ADK: variants seen among roughly 807,000 people sequenced by gnomAD.
ADK encodes the protein adenosine kinase.
ADK carries 24 observed loss-of-function variants against 44.7 expected under a neutral mutation model. The ratio of observed to expected loss-of-function variants is 0.54; its 90% CI spans 0.39 to 0.76. The LOEUF (loss-of-function observed/expected upper bound fraction) is 0.76, where lower values mean the gene tolerates loss of function less well. ADK is among the 30% of genes least tolerant of loss of function. ADK has a pLI of 0.00. For missense variants in ADK, 321 were observed against 425.1 expected (o/e 0.76, Z 2.15); for synonymous variants, 128 against 142.6 (o/e 0.90, Z 0.73).
intron 3 of ADK, among the ~76,000 whole-genome samples, chr10:74,298,781 C>T (rs1592006394): frequency 2.8e-5 from 4 of 143,492 alleles, no homozygotes; most frequent in African/African-American, 1.0e-4. Context: ...AAAAACAAAC[C>T]AGAATTGAGG....
At chr10:74,358,783 G>A (rs933371226) in intron 4 of ADK, among the ~76,000 whole-genome samples, 1 of 152,198 alleles carries the variant, frequency 6.6e-6, no homozygotes, top group Non-Finnish European at 1.5e-5. Context: ...CAGATGAATC[G>A]AACATAGTTA....
chr10:74,656,077 A>G, intron 9 of ADK: 1 of 428,500 alleles, frequency 2.3e-6, no homozygotes, highest in East Asian at 5.0e-5. Flanking sequence ...GGACATGTGA[A>G]GCACAAACTT....
intron 10 of ADK, 132 bp from the exon 11 acceptor site, chr10:74,708,189 G>A (rs1856674278): frequency 1.8e-5 from 14 of 757,786 alleles, no homozygotes; most frequent in East Asian, 3.6e-5. Flanking sequence ...TAACGGTAAC[G>A]CACAAGACTT....
At chr10:74,667,069 G>C (rs1222623812) in intron 9 of ADK, among the ~76,000 whole-genome samples, 1 of 151,970 alleles carries the variant, frequency 6.6e-6, no homozygotes, top group Non-Finnish European at 1.5e-5. Context: ...GACCTCAAGT[G>C]ATCCACCCGC....
chr10:74,636,315 A>G (rs758046866), intron 9 of ADK, among the ~76,000 whole-genome samples: 4 of 152,216 alleles, frequency 2.6e-5, no homozygotes, highest in Non-Finnish European at 5.9e-5. Context: ...GCTTGGCTAC[A>G]GAGCTGGGTC....
At chr10:74,450,470 A>G (rs545647766) in intron 6 of ADK, among the ~76,000 whole-genome samples, 1 of 152,356 alleles carries the variant, frequency 6.6e-6, no homozygotes, top group South Asian at 2.1e-4. Context: ...GCCTTGCATT[A>G]AAAAGATAAT....
chr10:74,635,748 C>T (rs900142373), intron 9 of ADK, among the ~76,000 whole-genome samples: 11 of 151,962 alleles, frequency 7.2e-5, no homozygotes, highest in African/African-American at 2.7e-4. Context: ...AGTCAGACTT[C>T]CAATTTGTAC....
chr10:74,590,565 C>G lies in ADK; in HGVS notation c.762+1248C>G, dbSNP rs193104246. ...CTGAAGATCCTATAAAAGAACTACT[C>G]CAGAGTAGGGAAACTTGCTTCTTTG... is the stretch of plus-strand genomic sequence containing the variant. On this transcript the variant is annotated intron_variant, in intron 8 of 10. Transcript: ENST00000539909. Among the ~76,000 whole-genome samples, 166 of 152,202 alleles carry G rather than the reference C, an allele frequency of 1.1e-3. 1 individual carries two copies. Among genetic ancestry groups the G allele is most frequent in the African/African-American group, 3.8e-3 (157 of 41,536 alleles).
chr10:74,371,916 A>G (rs1592115474), intron 4 of ADK: 1 of 1,444,682 alleles, frequency 6.9e-7, no homozygotes, highest in Non-Finnish European at 9.6e-7. Context: ...TACTGACCCC[A>G]GGGCTGACCA....
At chr10:74,165,655 C>T (rs1383412330) in intron 1 of ADK, among the ~76,000 whole-genome samples, 1 of 151,706 alleles carries the variant, frequency 6.6e-6, no homozygotes, top group Non-Finnish European at 1.5e-5. Flanking sequence ...ATCTCACGTT[C>T]AGGACCTCTG....
At chr10:74,587,000 T>C (rs1851552424) in intron 7 of ADK, among the ~76,000 whole-genome samples, 1 of 152,176 alleles carries the variant, frequency 6.6e-6, no homozygotes, top group Admixed American at 6.5e-5. Flanking sequence ...TTACTGTATG[T>C]GAATTTTGAG....
chr10:74,670,143 A>C (rs1429552303), intron 9 of ADK, 40 bp from the exon 10 acceptor site: 1 of 1,508,504 alleles, frequency 6.6e-7, no homozygotes, highest in South Asian at 1.1e-5. Flanking sequence ...TGAGTGTTAC[A>C]AAGAGAAGTC....
At chr10:74,201,374 A>G (rs1843374272) in intron 2 of ADK, among the ~76,000 whole-genome samples, 1 of 152,196 alleles carries the variant, frequency 6.6e-6, no homozygotes, top group African/African-American at 2.4e-5. Flanking sequence ...ATTTGAGGCC[A>G]TTTCGTACAA....
chr10:74,587,907 G>A lies in ADK; in HGVS notation c.727-1375G>A, dbSNP rs79917475. On this transcript the variant is annotated intron_variant, in intron 7 of 10. Transcript: ENST00000539909. ...TAGTAACCTGTTATAAGAGCCTTAGGGTATATAATAATCATTAGATTGTGT... is the reference window on the plus strand; with the variant it reads ...TAGTAACCTGTTATAAGAGCCTTAGAGTATATAATAATCATTAGATTGTGT... Among the ~76,000 whole-genome samples the A allele has an allele frequency of 2.9e-4, 44 of 151,588 alleles. 1 individual carries two copies. In the East Asian group the frequency reaches 7.2e-3, roughly 25 times the overall value.
At chr10:74,404,176 TG>T (rs1354203032) in intron 6 of ADK, among the ~76,000 whole-genome samples, 1 of 89,500 alleles carries the variant, frequency 1.1e-5, no homozygotes, top group Non-Finnish European at 3.0e-5. Flanking sequence ...CCAGCCTAAT[TG>T]TTTTTTTTTT....
intron 9 of ADK, among the ~76,000 whole-genome samples, chr10:74,665,832 G>A (rs1479242334): frequency 6.6e-6 from 1 of 151,264 alleles, no homozygotes; most frequent in East Asian, 1.9e-4. Context: ...AAGAGAGAGA[G>A]AAAAGAAAGA....
At chr10:74,378,522 G>A (rs1220148747) in intron 4 of ADK, among the ~76,000 whole-genome samples, 1 of 151,874 alleles carries the variant, frequency 6.6e-6, no homozygotes, top group East Asian at 1.9e-4. Flanking sequence ...TAAATTTTTG[G>A]TATCTATTAA....
At chr10:74,552,089 T>C (rs1199946420) in intron 7 of ADK, among the ~76,000 whole-genome samples, 2 of 152,126 alleles carry the variant, frequency 1.3e-5, no homozygotes, top group African/African-American at 4.8e-5. Context: ...TGGATGCAGA[T>C]ACAGTGGGCC....
intron 4 of ADK, among the ~76,000 whole-genome samples, chr10:74,363,157 C>T (rs1842391979): frequency 6.6e-6 from 1 of 152,216 alleles, no homozygotes; most frequent in Non-Finnish European, 1.5e-5. Flanking sequence ...GACTGGGCCC[C>T]TTCAGTATCT....
Sources: allele counts gnomAD v4.1 joint callset (sites outside exome capture counted in the v4.1 genomes callset), GRCh38; gene constraint gnomAD v4.1.1; transcripts MANE v1.5; gene names NCBI Gene and HGNC (gene_info 2026-07-23, HGNC 2026-07-21).